LRRN2: variants seen among roughly 807,000 people sequenced by gnomAD.
The protein encoded by LRRN2 is leucine-rich repeat neuronal protein 2.
Under a neutral mutation model 35.7 loss-of-function variants are expected in LRRN2, and 10 were observed. The ratio of observed to expected loss-of-function variants is 0.28; its 90% CI spans 0.17 to 0.47. LRRN2 has a LOEUF of 0.47. Ranked by LOEUF, LRRN2 falls within the 20% of genes least tolerant of loss-of-function variation. The pLI, the probability that LRRN2 is intolerant of heterozygous loss-of-function variation, is 0.99. For synonymous variants in LRRN2, 391 were observed against 409.6 expected, an observed-to-expected ratio of 0.95 and a Z score of 0.55; for missense variants, 731 against 940.3, an observed-to-expected ratio of 0.78 and a Z score of 2.91.
At chr1:204,621,584 G>A (rs753381848) in intron 1 of LRRN2, 1 of 167,126 alleles carries the variant, frequency 6.0e-6, no homozygotes, top group Admixed American at 6.5e-5. Flanking sequence ...AGTGTGTGTT[G>A]ATTGTATGAA....
At position 204,640,803 on chromosome 1, in the gene LRRN2, T is replaced by A. The variant is rs1667959325; in HGVS notation, c.-226-20585A>T. Among the ~76,000 whole-genome samples the A allele has an allele frequency of 2.0e-5, 3 of 152,120 alleles. No individual in the cohort carries two copies. The South Asian group carries it at 6.2e-4, about 32-fold the overall frequency. Reference sequence around the variant, plus strand: ...TCAGAAGCCCCCAGATGGATGGTCATGTGTGTGGGGCAGGCTAGGGAGGAC... The same window carrying A: ...TCAGAAGCCCCCAGATGGATGGTCAAGTGTGTGGGGCAGGCTAGGGAGGAC... On this transcript the variant is annotated intron_variant, in intron 1 of 1. Transcript: ENST00000367177.
Position 204,617,699 on chromosome 1 carries a change from G to A in LRRN2, c.*152C>T. On this transcript the variant is annotated 3_prime_UTR_variant, in exon 2 of 2. Transcript: ENST00000367177. ...TTCGAGGCTGCAGAAGCACCCCCAG[G>A]GCCACAAAGCCCCATCTGTCTTGGC... 1.2e-6 allele frequency: 1 copy of A among 857,546 alleles called. No individual in the cohort carries two copies. Among genetic ancestry groups the A allele is most frequent in the Non-Finnish European group, 1.9e-6 (1 of 537,058 alleles). The allele number at this position is 857,546 out of a possible 1,614,324, so 53.1% of individuals were successfully genotyped here.
chr1:204,626,534 C>G (rs370768940), intron 1 of LRRN2, among the ~76,000 whole-genome samples: 1 of 152,166 alleles, frequency 6.6e-6, no homozygotes, highest in Non-Finnish European at 1.5e-5. Flanking sequence ...GCCACCTCCC[C>G]TGTGACGCTT....
intron 1 of LRRN2, among the ~76,000 whole-genome samples, chr1:204,684,778 A>G (rs114413950): frequency 7.9e-4 from 120 of 151,990 alleles, no homozygotes; most frequent in African/African-American, 2.7e-3. Context: ...GGAGGAGCCT[A>G]GCTCCTGGTT....
intron 1 of LRRN2, among the ~76,000 whole-genome samples, chr1:204,651,372 G>A (rs1009397500): frequency 4.6e-5 from 7 of 152,132 alleles, no homozygotes; most frequent in Non-Finnish European, 1.0e-4. Flanking sequence ...CGACAGAGCT[G>A]TGAGATGGCA....
At chr1:204,651,524 C>T (rs1443237522) in intron 1 of LRRN2, among the ~76,000 whole-genome samples, 1 of 152,174 alleles carries the variant, frequency 6.6e-6, no homozygotes, top group African/African-American at 2.4e-5. Context: ...AAGGGACTGA[C>T]ACCTGGATGA....
intron 1 of LRRN2, among the ~76,000 whole-genome samples, chr1:204,671,125 G>A (rs1212471268): frequency 6.6e-6 from 1 of 152,168 alleles, no homozygotes; most frequent in Non-Finnish European, 1.5e-5. Context: ...GAGGGAAGGA[G>A]GAGAGGACTG....
At chr1:204,675,992 G>A (rs1189011035) in intron 1 of LRRN2, among the ~76,000 whole-genome samples, 1 of 152,214 alleles carries the variant, frequency 6.6e-6, no homozygotes, top group Non-Finnish European at 1.5e-5. Context: ...CACCAGAAAA[G>A]AGGTCTCCGG....
chr1:204,666,811 A>T (rs367907626), intron 1 of LRRN2, among the ~76,000 whole-genome samples: 5 of 151,956 alleles, frequency 3.3e-5, no homozygotes, highest in African/African-American at 9.7e-5. Context: ...AAATACAAAA[A>T]ATTAGCCAGG....
intron 1 of LRRN2, among the ~76,000 whole-genome samples, chr1:204,672,726 T>C (rs1204278098): frequency 6.6e-6 from 1 of 152,106 alleles, no homozygotes; most frequent in Admixed American, 6.5e-5. Flanking sequence ...GAGGGAGCTG[T>C]GATCTGCTCA....
At chr1:204,643,568 G>A (rs901626200) in intron 1 of LRRN2, among the ~76,000 whole-genome samples, 1 of 152,070 alleles carries the variant, frequency 6.6e-6, no homozygotes, top group African/African-American at 2.4e-5. Context: ...TGAGGTTGGG[G>A]TGCAGCCGAA....
At chr1:204,660,176 G>T (rs1435615307) in intron 1 of LRRN2, among the ~76,000 whole-genome samples, 1 of 152,012 alleles carries the variant, frequency 6.6e-6, no homozygotes, top group African/African-American at 2.4e-5. Context: ...CAGGACTCCT[G>T]CTCCTCTCCA....
chr1:204,678,196 CATT>C (rs1229656753), intron 1 of LRRN2, among the ~76,000 whole-genome samples: 1 of 152,200 alleles, frequency 6.6e-6, no homozygotes, highest in Non-Finnish European at 1.5e-5. Context: ...ATTATTCCCT[CATT>C]ATTTCTTGTG....
At chr1:204,672,094 G>A (rs904544971) in intron 1 of LRRN2, among the ~76,000 whole-genome samples, 5 of 152,204 alleles carry the variant, frequency 3.3e-5, no homozygotes, top group South Asian at 4.1e-4. Context: ...GGAGGATGTC[G>A]CCTTATTTTG....
intron 1 of LRRN2, chr1:204,664,710 T>C (rs1336648256): frequency 2.0e-5 from 3 of 152,202 alleles, no homozygotes; most frequent in Non-Finnish European, 4.4e-5. Flanking sequence ...TCCAACAGTA[T>C]TTTTGCAGCT....
intron 1 of LRRN2, among the ~76,000 whole-genome samples, chr1:204,677,637 T>G (rs1271602456): frequency 6.6e-6 from 1 of 152,088 alleles, no homozygotes; most frequent in East Asian, 1.9e-4. Flanking sequence ...CCTAAGGGAA[T>G]TCCAGAGAAC....
Position 204,618,315 on chromosome 1 carries a change from T to C in LRRN2, c.1678A>G (p.Ser560Gly), listed in dbSNP as rs77602548. 9.4e-6 allele frequency: 15 copies of C among 1,594,732 alleles called. No homozygotes were observed. The East Asian group carries it at 3.4e-4, about 36-fold the overall frequency. Residue 560 changes from serine to glycine, a missense_variant, in exon 2 of 2, where the codon AGT becomes GGT. Transcript: ENST00000367177. ...CCCTGGCCCCGGAGGGAGGAGGCACTGGACCAGGTGAGGTTGGTGGACACT... is the reference window on the plus strand; with the variant it reads ...CCCTGGCCCCGGAGGGAGGAGGCACCGGACCAGGTGAGGTTGGTGGACACT... ...NTVSTNLTWS[S>G]ASSLRGQGAT...
chr1:204,665,868 GA>G (rs1370212558), intron 1 of LRRN2, among the ~76,000 whole-genome samples: 3 of 152,188 alleles, frequency 2.0e-5, no homozygotes, highest in Non-Finnish European at 4.4e-5. Flanking sequence ...CCCACTGAGT[GA>G]AAATAACTCA....
chr1:204,659,844 C>T (rs971159909), intron 1 of LRRN2, among the ~76,000 whole-genome samples: 29 of 152,134 alleles, frequency 1.9e-4, no homozygotes, highest in African/African-American at 6.8e-4. Context: ...ATTTGCATTC[C>T]TGGACTCTTT....
Sources: gnomAD v4.1 joint callset for allele counts (sites outside exome capture counted in the v4.1 genomes callset) on GRCh38, gnomAD v4.1.1 for gene constraint, MANE v1.5 for transcripts, NCBI Gene and HGNC (gene_info 2026-07-23, HGNC 2026-07-21) for gene names.